Variants in CELF2 observed in about 807,000 individuals in gnomAD.
The protein encoded by CELF2 is CUG triplet repeat RNA-binding protein 2.
Under a neutral mutation model 62.6 loss-of-function variants are expected in CELF2, and 8 were observed. The ratio of observed to expected loss-of-function variants is 0.13; its 90% CI spans 0.07 to 0.23. The LOEUF (loss-of-function observed/expected upper bound fraction) is 0.23, where lower values mean the gene tolerates loss of function less well. Ranked by LOEUF, CELF2 falls within the 10% of genes least tolerant of loss-of-function variation. The pLI, the probability that CELF2 is intolerant of heterozygous loss-of-function variation, is 1.00. For synonymous variants in CELF2, 258 were observed against 250.0 expected (o/e 1.03, Z -0.30); for missense variants, 333 against 671.0 (o/e 0.50, Z 5.56).
At chr10:11,089,225 C>T (rs750376445) in intron 1 of CELF2, among the ~76,000 whole-genome samples, 9 of 152,114 alleles carry the variant, frequency 5.9e-5, no homozygotes, top group Non-Finnish European at 1.0e-4. Flanking sequence ...GAATAATTTC[C>T]GGAGCCATCT....
chr10:11,233,614 G>T (rs2069758723), intron 3 of CELF2, among the ~76,000 whole-genome samples: 1 of 152,182 alleles, frequency 6.6e-6, no homozygotes, highest in South Asian at 2.1e-4. Flanking sequence ...TCTTCCTCCT[G>T]TATTGCCCAT....
chr10:11,172,991 A>T (rs2069470960), intron 2 of CELF2, among the ~76,000 whole-genome samples: 2 of 152,202 alleles, frequency 1.3e-5, no homozygotes, highest in African/African-American at 2.4e-5. Context: ...TCCAGCACGT[A>T]TTGCAGGTAG....
upstream of CELF2, among the ~76,000 whole-genome samples, chr10:11,014,709 T>A (rs1433716216): frequency 6.6e-6 from 1 of 152,014 alleles, no homozygotes; most frequent in African/African-American, 2.4e-5. Flanking sequence ...AAGACGGAAG[T>A]GGAGCTGAAA....
At chr10:11,099,458 C>A (rs1176805864) in intron 1 of CELF2, among the ~76,000 whole-genome samples, 1 of 151,990 alleles carries the variant, frequency 6.6e-6, no homozygotes, top group Non-Finnish European at 1.5e-5. Context: ...GGGGTCGATT[C>A]TTTTCTTCTT....
intron 1 of CELF2, among the ~76,000 whole-genome samples, chr10:10,912,347 G>A (rs1455037488): frequency 1.3e-5 from 2 of 151,970 alleles, no homozygotes; most frequent in African/African-American, 4.8e-5. Flanking sequence ...TTTGGTTTTT[G>A]TCTATCTCCC....
intron 12 of CELF2, among the ~76,000 whole-genome samples, chr10:11,327,287 G>T (rs2378991): frequency 1.3e-5 from 2 of 151,630 alleles, no homozygotes; most frequent in South Asian, 2.1e-4. Flanking sequence ...TGTGTTTTTC[G>T]TAGCTAAACA....
rs1348497705 is a variant in CELF2, at chr10:10,931,895, A to T, written c.89+11896A>T. The stretch of plus-strand genomic sequence containing the variant: ...CAGAAGGTGAATGAGGATCAAAGTC[A>T]TGTCTTACATGGTGGCTGGCAAGAG... On this transcript the variant is annotated intron_variant, in intron 2 of 13. Transcript: ENST00000636488. This position sits in a 1 kb window ranked among gnomAD's most constrained non-coding sequence, Gnocchi z 6.1. 1.3e-5 allele frequency among the ~76,000 whole-genome samples: 2 copies of T among 152,210 alleles called. No individual in the cohort carries two copies. The highest frequency in any genetic ancestry group is 4.8e-5 in the African/African-American group (2 of 41,448).
intron 1 of CELF2, among the ~76,000 whole-genome samples, chr10:11,078,047 A>G (rs2762547): frequency 0.064 from 9,807 of 152,128 alleles, 548 homozygotes; most frequent in African/African-American, 0.16. Context: ...AGAGCAGACC[A>G]TTTGCTTCTG....
the CELF2 span, among the ~76,000 whole-genome samples, chr10:10,548,197 G>A: frequency 6.6e-6 from 1 of 152,126 alleles, no homozygotes; most frequent in South Asian, 2.1e-4. Context: ...TAAATCAAGG[G>A]GGTGCACCAG....
the CELF2 span, among the ~76,000 whole-genome samples, chr10:10,584,740 G>C: frequency 6.6e-6 from 1 of 152,166 alleles, no homozygotes; most frequent in Non-Finnish European, 1.5e-5. Flanking sequence ...AACTTTCTGA[G>C]ATGAGGAAAG....
chr10:10,591,796 G>A, the CELF2 span, among the ~76,000 whole-genome samples: 2 of 152,186 alleles, frequency 1.3e-5, no homozygotes, highest in African/African-American at 2.4e-5. Context: ...CAGTAGCTCT[G>A]CTGTGCCTCA....
rs915520472 is a variant in CELF2, at chr10:10,995,633, G to A, written c.89+75634G>A. Among the ~76,000 whole-genome samples the A allele has an allele frequency of 2.0e-5, 3 of 152,174 alleles. No individual in the cohort carries two copies. The highest frequency in any genetic ancestry group is 2.9e-5 in the Non-Finnish European group (2 of 68,032). The stretch of plus-strand genomic sequence containing the variant: ...TATGTGGCTTGGACTTCATCTTAGG[G>A]TAGGGGACACCTTCAAAGAGTTGTA... On this transcript the variant is annotated intron_variant, in intron 2 of 13. Transcript: ENST00000636488. The surrounding 1 kb of genome is among the most constrained non-coding windows in gnomAD (Gnocchi z 4.7).
At chr10:10,836,548 C>CTACTTAAAA (rs2058302266) in intron 1 of CELF2, among the ~76,000 whole-genome samples, 1 of 152,238 alleles carries the variant, frequency 6.6e-6, no homozygotes, top group Non-Finnish European at 1.5e-5. Context: ...AGGCGAATCA[C>CTACTTAAAA]TACTTAAAAT....
chr10:11,027,430 T>C (rs913919), intron 1 of CELF2, among the ~76,000 whole-genome samples: 100,274 of 152,050 alleles, frequency 0.66, 37,517 homozygotes, highest in East Asian at 0.9. Context: ...TCCCCTTACA[T>C]AAGGGCCCCT....
chr10:10,558,865 T>C, the CELF2 span, among the ~76,000 whole-genome samples: 1 of 152,216 alleles, frequency 6.6e-6, no homozygotes, highest in Non-Finnish European at 1.5e-5. Context: ...TATATTTCAC[T>C]GGGCACATGT....
intron 3 of CELF2, among the ~76,000 whole-genome samples, chr10:11,229,598 AT>A (rs371276816): frequency 0.016 from 2,283 of 141,288 alleles, 24 homozygotes; most frequent in African/African-American, 0.043. Flanking sequence ...TGGCATCAGT[AT>A]TTTTTTTTTT....
intron 2 of CELF2, among the ~76,000 whole-genome samples, chr10:10,959,190 A>G (rs1447915785): frequency 6.6e-6 from 1 of 152,242 alleles, no homozygotes; most frequent in Non-Finnish European, 1.5e-5. Flanking sequence ...CTGAAGCAGA[A>G]GAATCACTTG....
At chr10:11,081,031 G>A (rs1389921390) in intron 1 of CELF2, among the ~76,000 whole-genome samples, 1 of 151,852 alleles carries the variant, frequency 6.6e-6, no homozygotes, top group Non-Finnish European at 1.5e-5. Context: ...TGTTGCTTTA[G>A]CATCCATTTC....
chr10:11,068,470 A>G, intron 1 of CELF2, among the ~76,000 whole-genome samples: 1 of 152,184 alleles, frequency 6.6e-6, no homozygotes, highest in East Asian at 1.9e-4. Flanking sequence ...CTTTTATGAG[A>G]TGCCTTAAGT....
Sources: gnomAD v4.1 joint callset for allele counts (sites outside exome capture counted in the v4.1 genomes callset) on GRCh38, gnomAD v4.1.1 for gene constraint, Gnocchi (gnomAD v3.1) non-coding constraint, MANE v1.5 for transcripts, NCBI Gene and HGNC (gene_info 2026-07-23, HGNC 2026-07-21) for gene names.